The following AUTS2 variants were observed in gnomAD, a reference collection of about 807,000 sequenced individuals.
AUTS2 encodes activator of transcription and developmental regulator AUTS2, also known as autism susceptibility gene 2 protein.
A neutral mutation model predicts 112.4 loss-of-function variants in AUTS2; 17 were observed. The observed-to-expected ratio is 0.15, with a 90% CI of 0.10 to 0.23. The LOEUF (loss-of-function observed/expected upper bound fraction) is 0.23, where lower values mean the gene tolerates loss of function less well. Ranked by LOEUF, AUTS2 falls within the 10% of genes least tolerant of loss-of-function variation. The probability of loss-of-function intolerance (pLI) is 1.00; values close to 1 mark genes in which losing one functional copy is unlikely to be tolerated. For missense variants in AUTS2, 1,510 were observed against 1,701.6 expected (o/e 0.89, Z 1.98); for synonymous variants, 751 against 702.7 (o/e 1.07, Z -1.09).
intron 5 of AUTS2, among the ~76,000 whole-genome samples, chr7:70,686,157 C>T (rs1349281849): frequency 6.6e-6 from 1 of 152,182 alleles, no homozygotes. Flanking sequence ...GCTTGACAAC[C>T]TTCATTTATA....
intron 4 of AUTS2, among the ~76,000 whole-genome samples, chr7:70,281,969 GAGC>G (rs1788236893): frequency 6.6e-6 from 1 of 152,176 alleles, no homozygotes; most frequent in Non-Finnish European, 1.5e-5. Flanking sequence ...ATTGATCAAA[GAGC>G]ATAACATGCA....
In AUTS2 at chr7:69,614,367, T is replaced by TCTTTCTTTCTTTCTTTTCTTTTCTTTC. The variant is rs57602451; in HGVS notation, c.309+14405_309+14406insCTTTCTTTCTTTCTTTTCTTTTCTTTC. Among the ~76,000 whole-genome samples, 4 of 90,184 alleles carry TCTTTCTTTCTTTCTTTTCTTTTCTTTC rather than the reference T, an allele frequency of 4.4e-5. 1 individual carries two copies. The highest frequency in any genetic ancestry group is 6.9e-5 in the Non-Finnish European group (3 of 43,170). The allele number at this position is 90,184 out of a possible 152,430, so 59.2% of individuals were successfully genotyped here. A position where few individuals can be genotyped will look rare whatever the true frequency, so the allele number is the denominator to read the frequency against. ...TTCTTTCTTTCTTTCTTTCTTTCTT[T>TCTTTCTTTCTTTCTTTTCTTTTCTTTC]TTTTAAGAGATGGGATCTCACTCTG... On this transcript the variant is annotated intron_variant, in intron 1 of 18. Transcript: ENST00000342771.
intron 1 of AUTS2, among the ~76,000 whole-genome samples, chr7:69,721,006 A>G (rs909744874): frequency 2.6e-5 from 4 of 152,178 alleles, no homozygotes; most frequent in African/African-American, 9.7e-5. Flanking sequence ...AGAAGAAGAG[A>G]CTGGAGTAGT....
At chr7:69,736,007 T>C (rs1403082035) in intron 1 of AUTS2, among the ~76,000 whole-genome samples, 1 of 152,234 alleles carries the variant, frequency 6.6e-6, no homozygotes, top group Admixed American at 6.5e-5. Context: ...GCAGGGACTT[T>C]GTTTCCTATA....
Position 69,636,481 on chromosome 7 carries a change from C to CCA in AUTS2, c.309+36520_309+36521insAC, listed in dbSNP as rs1554337460. 2.6e-4 allele frequency among the ~76,000 whole-genome samples: 4 copies of CCA among 15,530 alleles called. No individual in the cohort carries two copies. The East Asian group carries it at 0.013, about 49-fold the overall frequency. 10.2% of individuals were successfully genotyped at this position (15,530 alleles called of 152,430 possible). The stretch of plus-strand genomic sequence containing the variant: ...AACTCCTGACCTCAAGTGATCCGCG[C>CCA]CCCCCCCCCCCCTTGGCCTCCCAAA... On this transcript the variant is annotated intron_variant, in intron 1 of 18. Coordinates refer to ENST00000342771, the MANE Select transcript of AUTS2 (RefSeq NM_015570.4).
At chr7:69,920,209 T>A (rs1435067153) in intron 2 of AUTS2, among the ~76,000 whole-genome samples, 1 of 152,114 alleles carries the variant, frequency 6.6e-6, no homozygotes, top group Non-Finnish European at 1.5e-5. Flanking sequence ...TTATTATTAT[T>A]TTTAATGACT....
chr7:70,080,882 A>G (rs547244430), intron 2 of AUTS2, among the ~76,000 whole-genome samples: 2 of 152,304 alleles, frequency 1.3e-5, no homozygotes, highest in South Asian at 2.1e-4. Flanking sequence ...TGCCTACTCT[A>G]TTTAAAAGAA....
intron 4 of AUTS2, among the ~76,000 whole-genome samples, chr7:70,426,416 A>G (rs1795440363): frequency 6.6e-6 from 1 of 152,220 alleles, no homozygotes; most frequent in African/African-American, 2.4e-5. Flanking sequence ...TCACCTGTCA[A>G]GCATGATCCT....
At chr7:70,365,325 G>A (rs114378791) in intron 4 of AUTS2, among the ~76,000 whole-genome samples, 3,075 of 152,192 alleles carry the variant, frequency 0.02, 40 homozygotes, top group African/African-American at 0.042. Context: ...ATATTTTGTG[G>A]TTTTATGAGG....
At chr7:69,882,784 G>C (rs910907484) in intron 1 of AUTS2, among the ~76,000 whole-genome samples, 1 of 152,140 alleles carries the variant, frequency 6.6e-6, no homozygotes, top group Non-Finnish European at 1.5e-5. Flanking sequence ...CCAGTATGTT[G>C]CTTGGCACAT....
rs1222966716 is a variant in AUTS2 at position 70,764,790 on chromosome 7, C to T, written c.1253C>T (p.Ala418Val). Residue 418 changes from alanine (A) to valine (V), a missense_variant, in exon 8 of 19, where the codon GCC (alanine) becomes GTC (valine). By Grantham distance (64) the Ala-to-Val change is moderately conservative. Around this residue, in one of 3 missense-constraint regions of AUTS2, gnomAD observed 535 missense variants for 594.3 expected, o/e 0.90. Coordinates refer to ENST00000342771, the MANE Select transcript of AUTS2 (RefSeq NM_015570.4). ...RSSTPAKTQP[A>V]PPHISHHPSA... ...AGCACTCCAGCGAAGACTCAGCCCGCCCCACCTCACATCTCCCACCACCCC... is the reference window on the plus strand; with the variant it reads ...AGCACTCCAGCGAAGACTCAGCCCGTCCCACCTCACATCTCCCACCACCCC... 2.3e-6 allele frequency: 2 copies of T among 852,180 alleles called. No individual in the cohort carries two copies. The highest frequency in any genetic ancestry group is 2.0e-6 in the Non-Finnish European group (1 of 508,352). The allele number at this position is 852,180 out of a possible 1,614,324, so 52.8% of individuals were successfully genotyped here. A position where few individuals can be genotyped will look rare whatever the true frequency, so the allele number is the denominator to read the frequency against.
chr7:70,332,853 T>C (rs979680520), intron 4 of AUTS2, among the ~76,000 whole-genome samples: 1 of 152,096 alleles, frequency 6.6e-6, no homozygotes, highest in African/African-American at 2.4e-5. Flanking sequence ...CCTAGAACCA[T>C]AAAAAGTCTA....
intron 4 of AUTS2, among the ~76,000 whole-genome samples, chr7:70,176,871 G>A (rs1809017159): frequency 6.6e-6 from 1 of 152,110 alleles, no homozygotes; most frequent in Non-Finnish European, 1.5e-5. Flanking sequence ...GGACTGCTTT[G>A]ATCTCAGATC....
chr7:70,255,007 G>A (rs1786785136), intron 4 of AUTS2, among the ~76,000 whole-genome samples: 1 of 151,636 alleles, frequency 6.6e-6, no homozygotes, highest in South Asian at 2.1e-4. Context: ...GGGGAAGCTG[G>A]TTCCTTTCAC....
chr7:69,945,592 G>A (rs1796776765), intron 2 of AUTS2, among the ~76,000 whole-genome samples: 1 of 152,042 alleles, frequency 6.6e-6, no homozygotes, highest in Non-Finnish European at 1.5e-5. Context: ...GCCTTGCATA[G>A]TTACCATTTT....
Position 70,792,552 on chromosome 7 carries a change from T to G in AUTS2, c.*1556T>G, listed in dbSNP as rs1275425214. On this transcript the variant is annotated 3_prime_UTR_variant, in exon 19 of 19. Transcript: ENST00000342771. Reference sequence around the variant, plus strand: ...TTCTAATAAGCAGAGAGATCTATTTTAGTAGTAAACTGAAGGTTTAGTTGT... The same window carrying G: ...TTCTAATAAGCAGAGAGATCTATTTGAGTAGTAAACTGAAGGTTTAGTTGT... 6.6e-6 allele frequency: 1 copy of G among 151,440 alleles called. No individual in the cohort carries two copies. The highest frequency in any genetic ancestry group is 1.5e-5 in the Non-Finnish European group (1 of 67,806). 9.4% of individuals were successfully genotyped at this position (151,440 alleles called of 1,614,324 possible). A position where few individuals can be genotyped will look rare whatever the true frequency, so the allele number is the denominator to read the frequency against.
At chr7:69,911,571 A>T (rs560996046) in intron 2 of AUTS2, among the ~76,000 whole-genome samples, 1 of 152,156 alleles carries the variant, frequency 6.6e-6, no homozygotes, top group African/African-American at 2.4e-5. Flanking sequence ...GCTTTATTTG[A>T]TCCACAGAAC....
chr7:70,432,587 C>G (rs2130832809), intron 4 of AUTS2, among the ~76,000 whole-genome samples: 1 of 152,308 alleles, frequency 6.6e-6, no homozygotes, highest in Middle Eastern at 3.4e-3. Flanking sequence ...CTGGGGTTGT[C>G]AACAAACCCC....
At chr7:70,454,011 G>A (rs1465471481) in intron 5 of AUTS2, among the ~76,000 whole-genome samples, 1 of 152,190 alleles carries the variant, frequency 6.6e-6, no homozygotes, top group African/African-American at 2.4e-5. Flanking sequence ...ATCTGGCAAA[G>A]AGGGGCAAGG....
Sources: gnomAD v4.1 joint callset for allele counts (sites outside exome capture counted in the v4.1 genomes callset) on GRCh38, gnomAD v4.1.1 for gene constraint, gnomAD v4.1.1 regional missense constraint, MANE v1.5 for transcripts, NCBI Gene and HGNC (gene_info 2026-07-23, HGNC 2026-07-21) for gene names.